Variants in IL6ST observed in about 807,000 individuals in gnomAD.
The protein encoded by IL6ST is interleukin 6 cytokine family signal transducer, also known as interleukin-6 receptor subunit beta.
Under a neutral mutation model 91.3 loss-of-function variants are expected in IL6ST, and 24 were observed. That is an observed-to-expected ratio of 0.26 (90% confidence interval 0.19 to 0.37). The LOEUF (loss-of-function observed/expected upper bound fraction) is 0.37, where lower values mean the gene tolerates loss of function less well. IL6ST is among the 10% of genes least tolerant of loss of function. IL6ST has a pLI of 1.00. For synonymous variants in IL6ST, 351 were observed against 373.6 expected, an observed-to-expected ratio of 0.94 and a Z score of 0.70; for missense variants, 914 against 1,078.5, an observed-to-expected ratio of 0.85 and a Z score of 2.14.
chr5:55,977,916 T>C (rs979758032), intron 2 of IL6ST, among the ~76,000 whole-genome samples: 2 of 151,988 alleles, frequency 1.3e-5, no homozygotes, highest in Non-Finnish European at 2.9e-5. Context: ...GGAGAGCTGT[T>C]TGAACCCGGA....
chr5:55,972,702 A>C (rs1277840224), intron 3 of IL6ST, among the ~76,000 whole-genome samples: 4 of 151,966 alleles, frequency 2.6e-5, no homozygotes, highest in Non-Finnish European at 4.4e-5. Flanking sequence ...AAGAAATGTG[A>C]ATTAGAATAC....
chr5:55,975,619 A>G (rs1048420242), intron 3 of IL6ST, among the ~76,000 whole-genome samples: 7 of 152,054 alleles, frequency 4.6e-5, no homozygotes, highest in African/African-American at 1.7e-4. Flanking sequence ...TTTCCTGCCT[A>G]TGCCTCCCAA....
chr5:55,955,105 C>T, intron 10 of IL6ST, 113 bp from the exon 11 acceptor site: 3 of 737,854 alleles, frequency 4.1e-6, no homozygotes, highest in Non-Finnish European at 6.5e-6. Context: ...GCATATACTT[C>T]CTTGCCTAAA....
chr5:55,987,112 T>C (rs1754019421), intron 1 of IL6ST, among the ~76,000 whole-genome samples: 1 of 152,124 alleles, frequency 6.6e-6, no homozygotes. Context: ...CTGCAGTGAG[T>C]TGTGGTTGCA....
intron 2 of IL6ST, among the ~76,000 whole-genome samples, chr5:55,978,874 C>A (rs186106194): frequency 1.3e-5 from 2 of 152,216 alleles, no homozygotes; most frequent in Admixed American, 1.3e-4. Context: ...ACAAAATCTG[C>A]CCAGATAAGG....
intron 1 of IL6ST, among the ~76,000 whole-genome samples, chr5:55,993,395 C>G (rs112279292): frequency 0.015 from 2,237 of 152,286 alleles, 33 homozygotes; most frequent in Middle Eastern, 0.037. Context: ...AACTTTCGCC[C>G]TAACACTGAA....
chr5:55,939,361 A>C lies in IL6ST; in HGVS notation c.*1721T>G, dbSNP rs1390982148. ...GAATGAAACATCTATTTTTTTCATA[A>C]AGAAGATCATATAATATGTGAAAGA... On this transcript the variant is annotated 3_prime_UTR_variant, in exon 17 of 17. Coordinates refer to ENST00000381298, the MANE Select transcript of IL6ST (RefSeq NM_002184.4). The C allele has an allele frequency of 3.7e-5, 7 of 191,202 alleles. No individual in the cohort carries two copies. The allele number at this position is 191,202 out of a possible 1,614,324, so 11.8% of individuals were successfully genotyped here. A position where few individuals can be genotyped will look rare whatever the true frequency, so the allele number is the denominator to read the frequency against.
At chr5:55,966,320 A>G (rs1752628069) in intron 5 of IL6ST, among the ~76,000 whole-genome samples, 1 of 152,216 alleles carries the variant, frequency 6.6e-6, no homozygotes, top group Non-Finnish European at 1.5e-5. Flanking sequence ...TCTATGGTGA[A>G]GAATATCAGA....
Position 55,937,540 on chromosome 5 carries a change from T to G in IL6ST, c.*3542A>C. On this transcript the variant is annotated 3_prime_UTR_variant, in exon 17 of 17. Coordinates refer to ENST00000381298, the MANE Select transcript of IL6ST (RefSeq NM_002184.4). ...GCCAAGGACCAGTCCAAAGAAGAAT[T>G]AGGCTGTAAGACTGCTAGTTCATAC... 4.8e-6 allele frequency: 1 copy of G among 207,522 alleles called. No individual in the cohort carries two copies. 12.9% of individuals were successfully genotyped at this position (207,522 alleles called of 1,614,324 possible).
Position 55,948,720 on chromosome 5 carries a change from G to A in IL6ST, c.1841-1131C>T, listed in dbSNP as rs117228632. On this transcript the variant is annotated intron_variant, in intron 14 of 16. Transcript: ENST00000381298. ...TTTATGTTTTCAAGCCTGTGCCTTT[G>A]CTCATGCTGCTCTCTAAGATGCCAC... Among the ~76,000 whole-genome samples, 55 of 152,166 alleles carry A rather than the reference G, an allele frequency of 3.6e-4. No individual in the cohort carries two copies. In the East Asian group the frequency reaches 0.01, roughly 29 times the overall value.
intron 7 of IL6ST, among the ~76,000 whole-genome samples, chr5:55,960,779 G>A (rs113745158): frequency 1.3e-5 from 2 of 150,234 alleles, no homozygotes; most frequent in Non-Finnish European, 3.0e-5. Flanking sequence ...ACAGGTGCCC[G>A]CCACCACTCT....
At chr5:55,968,570 C>T (rs1752771350) in intron 4 of IL6ST, among the ~76,000 whole-genome samples, 174 bp from the exon 5 acceptor site, 1 of 152,188 alleles carries the variant, frequency 6.6e-6, no homozygotes, top group Non-Finnish European at 1.5e-5. Context: ...CCAACTCTTA[C>T]ACTTCTTTTC....
In IL6ST at chr5:55,943,840, T is replaced by A. The variant is rs973929667; in HGVS notation, c.1938-1089A>T. On this transcript the variant is annotated intron_variant, in intron 15 of 16. Coordinates refer to ENST00000381298, the MANE Select transcript of IL6ST (RefSeq NM_002184.4). ...ATCCCAACACTTTGGGAGGCTGAGG[T>A]GGGTGGATTACCTGAGGTCAGGAGT... Among the ~76,000 whole-genome samples the A allele has an allele frequency of 1.3e-4, 20 of 151,822 alleles. No individual in the cohort carries two copies. In the East Asian group the frequency reaches 3.7e-3, roughly 28 times the overall value.
Position 55,940,303 on chromosome 5 carries a change from T to C in IL6ST, c.*779A>G, listed in dbSNP as rs1289215621. On this transcript the variant is annotated 3_prime_UTR_variant, in exon 17 of 17. Coordinates refer to ENST00000381298, the MANE Select transcript of IL6ST (RefSeq NM_002184.4). ...CAATTTTTTAGATGCTTGAGATAGT[T>C]TGGGGGATCCCTAGCTCTTATCATG... 4 of 212,936 alleles carry C rather than the reference T, an allele frequency of 1.9e-5. No individual in the cohort carries two copies. The highest frequency in any genetic ancestry group is 5.8e-5 in the Admixed American group (1 of 17,100). The allele number at this position is 212,936 out of a possible 1,614,324, so 13.2% of individuals were successfully genotyped here.
intron 5 of IL6ST, 58 bp from the exon 6 acceptor site, chr5:55,964,370 GA>G (rs2111775501): frequency 7.8e-7 from 1 of 1,283,004 alleles, no homozygotes; most frequent in Non-Finnish European, 1.1e-6. Flanking sequence ...AAATTAGAGT[GA>G]AAAAAATTAC....
At chr5:55,952,386 C>T (rs749431192) in intron 11 of IL6ST, 35 bp from the exon 12 acceptor site, 1 of 1,257,590 alleles carries the variant, frequency 8.0e-7, no homozygotes, top group East Asian at 2.4e-5. Flanking sequence ...CATGTTTTTC[C>T]ATAATGAAAA....
At position 55,989,503 on chromosome 5, in the gene IL6ST, T is replaced by C. The variant is rs139866048; in HGVS notation, c.-104+5281A>G. Among the ~76,000 whole-genome samples the C allele has an allele frequency of 1.4e-3, 214 of 152,258 alleles. No homozygotes were observed. The Middle Eastern group carries it at 0.017, about 12-fold the overall frequency. ...AATTATAAGCATATTGAAAAACACA[T>C]AGAATATGCTTATGACCTTAGGGCC... On this transcript the variant is annotated intron_variant, in intron 1 of 16. Coordinates refer to ENST00000381298, the MANE Select transcript of IL6ST (RefSeq NM_002184.4).
chr5:55,981,472 G>A (rs923530292), intron 2 of IL6ST, among the ~76,000 whole-genome samples: 5 of 151,978 alleles, frequency 3.3e-5, no homozygotes, highest in Non-Finnish European at 4.4e-5. Flanking sequence ...ATGAAGCCCC[G>A]TCTCTAATAA....
At chr5:55,961,151 AAAGTT>A (rs1255501316) in intron 7 of IL6ST, among the ~76,000 whole-genome samples, 1 of 152,242 alleles carries the variant, frequency 6.6e-6, no homozygotes, top group Non-Finnish European at 1.5e-5. Flanking sequence ...CCAAATCAGT[AAAGTT>A]ATTTGGTTTT....
Sources: gnomAD v4.1 joint callset for allele counts (sites outside exome capture counted in the v4.1 genomes callset) on GRCh38, gnomAD v4.1.1 for gene constraint, MANE v1.5 for transcripts, NCBI Gene and HGNC (gene_info 2026-07-23, HGNC 2026-07-21) for gene names.